The following WNT10B variants were observed in gnomAD, a reference collection of about 807,000 sequenced individuals.
The protein encoded by WNT10B is protein Wnt-10b.
A neutral mutation model predicts 32.7 loss-of-function variants in WNT10B; 26 were observed. The observed-to-expected ratio is 0.79, with a 90% CI of 0.58 to 1.10. WNT10B has a LOEUF of 1.10. WNT10B is among the 50% of genes least tolerant of loss of function. WNT10B has a pLI of 0.00. For missense variants in WNT10B, 474 were observed against 532.5 expected (o/e 0.89, Z 1.08); for synonymous variants, 204 against 220.4 (o/e 0.93, Z 0.66).
Position 48,966,138 on chromosome 12 carries a change from C to T in WNT10B, c.1127G>A (p.Cys376Tyr). 6.2e-7 allele frequency: 1 copy of T among 1,613,782 alleles called. No individual in the cohort carries two copies. Residue 376 changes from cysteine to tyrosine, a missense_variant, in exon 5 of 5, where the codon TGT becomes TAT. Cys to Tyr is a radical substitution (Grantham distance 194). Transcript: ENST00000301061. ...CRFHWCCYVL[C>Y]DECKVTEWVN... ...CCACTCTGTAACCTTGCACTCATCA[C>T]ACAGCACATAGCAGCACCAGTGGAA...
At chr12:48,969,916 G>A (rs947351290) in intron 3 of WNT10B, among the ~76,000 whole-genome samples, 173 bp downstream of exon 3, 2 of 151,896 alleles carry the variant, frequency 1.3e-5, no homozygotes, top group Admixed American at 6.5e-5. Context: ...TAGGCGCGCA[G>A]GGGCCCAGAC....
chr12:48,969,894 G>T (rs1023390851), intron 3 of WNT10B, among the ~76,000 whole-genome samples, 195 bp downstream of exon 3: 1 of 151,890 alleles, frequency 6.6e-6, no homozygotes, highest in Non-Finnish European at 1.5e-5. Context: ...CTGGCAGCAC[G>T]CAGGTGGAAG....
chr12:48,969,942 G>T, intron 3 of WNT10B, 147 bp downstream of exon 3: 1 of 1,049,678 alleles, frequency 9.5e-7, no homozygotes, highest in Non-Finnish European at 1.3e-6. Context: ...GCCAGACCTG[G>T]CTCAGAGCGG....
At chr12:48,966,687 A>C (rs1184067232) in intron 4 of WNT10B, 134 bp from the exon 5 acceptor site, 2 of 1,031,508 alleles carry the variant, frequency 1.9e-6, no homozygotes, top group Non-Finnish European at 2.9e-6. Flanking sequence ...ATATCAGAAC[A>C]GAAAGGACAT....
Position 48,970,295 on chromosome 12 carries a change from G to C in WNT10B, c.131C>G (p.Ala44Gly). ...LKLPGEPPLTANTVCLTLSGL... is the reference protein window; with the variant it reads ...LKLPGEPPLTGNTVCLTLSGL... Reference sequence around the variant, plus strand: ...GGACAGCGTCAAGCACACGGTGTTGGCCGTCAGCGGCGGCTCGCCAGGCAA... The same window carrying C: ...GGACAGCGTCAAGCACACGGTGTTGCCCGTCAGCGGCGGCTCGCCAGGCAA... The change falls in exon 3 of 5, where the codon GCC (alanine) becomes GGC (glycine). Residue 44 changes from alanine to glycine, a missense_variant. Coordinates refer to ENST00000301061, the MANE Select transcript of WNT10B (RefSeq NM_003394.4). The surrounding 1 kb of genome is among the most constrained non-coding windows in gnomAD (Gnocchi z 5.0). 1 of 1,614,024 alleles carries C rather than the reference G, an allele frequency of 6.2e-7. No individual in the cohort carries two copies. The highest frequency in any genetic ancestry group is 1.1e-5 in the South Asian group (1 of 91,080).
rs1049972554 is a variant in WNT10B, at chr12:48,965,918, G to C, written c.*177C>G. 5 of 706,858 alleles carry C rather than the reference G, an allele frequency of 7.1e-6. No individual in the cohort carries two copies. In the African/African-American group the frequency reaches 8.9e-5, roughly 13 times the overall value. 43.8% of individuals were successfully genotyped at this position (706,858 alleles called of 1,614,324 possible). A position where few individuals can be genotyped will look rare whatever the true frequency, so the allele number is the denominator to read the frequency against. On this transcript the variant is annotated 3_prime_UTR_variant, in exon 5 of 5. Transcript: ENST00000301061. ...CCCTCAAGACCCTCCAATTGTTGGGGAGAAGGCTACACATCCCAGAGTCCA... is the reference window on the plus strand; with the variant it reads ...CCCTCAAGACCCTCCAATTGTTGGGCAGAAGGCTACACATCCCAGAGTCCA...
In WNT10B at chr12:48,966,373, G is replaced by C. The variant is rs369698637; in HGVS notation, c.892C>G (p.Arg298Gly). The C allele has an allele frequency of 6.2e-7, 1 of 1,614,182 alleles. No individual in the cohort carries two copies. The highest frequency in any genetic ancestry group is 8.5e-7 in the Non-Finnish European group (1 of 1,180,030). The change falls in exon 5 of 5, where the codon CGT becomes GGT. Residue 298 changes from arginine (R) to glycine (G), a missense_variant. Transcript: ENST00000301061. ...CCTGAGAGGCGACGGGGACGCAGAC[G>C]GGGCTGGAAGGCTCCAGAATTGCGG... ...HNRNSGAFQP[R>G]LRPRRLSGEL...
At chr12:48,966,697 T>G (rs188930539) in intron 4 of WNT10B, 144 bp from the exon 5 acceptor site, 2 of 957,766 alleles carry the variant, frequency 2.1e-6, no homozygotes, top group Admixed American at 4.1e-5. Flanking sequence ...AGAAAGGACA[T>G]TGCAGTTAGC....
At chr12:48,968,975 C>T (rs967787658) in intron 3 of WNT10B, 12 of 429,820 alleles carry the variant, frequency 2.8e-5, no homozygotes, top group Admixed American at 5.5e-5. Flanking sequence ...CCCTATAAAA[C>T]ACTGAGAGGA....
intron 3 of WNT10B, among the ~76,000 whole-genome samples, chr12:48,968,719 A>T (rs1434402806): frequency 6.6e-6 from 1 of 151,738 alleles, no homozygotes; most frequent in Admixed American, 6.6e-5. Flanking sequence ...AGCCTTAGAA[A>T]TTCCCCCAAC....
rs1439802008 is a variant in WNT10B at position 48,970,163 on chromosome 12, C to G, written c.263G>C (p.Arg88Pro). 1.3e-6 allele frequency: 2 copies of G among 1,550,708 alleles called. No individual in the cohort carries two copies. Among genetic ancestry groups the G allele is most frequent in the South Asian group, 1.2e-5 (1 of 84,946 alleles). ...CGCGGAGCAGTTCCAGCGCTGGTCGCGCAGCTGGTGCTGACACTCGTGGAC... is the reference window on the plus strand; with the variant it reads ...CGCGGAGCAGTTCCAGCGCTGGTCGGGCAGCTGGTGCTGACACTCGTGGAC... ...IAVHECQHQL[R>P]DQRWNCSALE... The change falls in exon 3 of 5, where the codon CGC becomes CCC. Residue 88 changes from arginine to proline, a missense_variant. By Grantham distance (103) the Arg-to-Pro change is moderately radical. Transcript: ENST00000301061. The surrounding 1 kb of genome is among the most constrained non-coding windows in gnomAD (Gnocchi z 5.0).
rs766797028 is a variant in WNT10B at position 48,970,759 on chromosome 12, A to G, written c.-40-190T>C. On this transcript the variant is annotated intron_variant, in intron 1 of 4. Transcript: ENST00000301061. This position sits in a 1 kb window ranked among gnomAD's most constrained non-coding sequence, Gnocchi z 5.0. ...CTGAGGCTTGGAGGTCTTAAAGAAG[A>G]AGAGTCAAGGCGTTGTCCCAGCTCA... The G allele has an allele frequency of 8.8e-5, 53 of 603,602 alleles. No homozygotes were observed. The highest frequency in any genetic ancestry group is 1.5e-4 in the Non-Finnish European group (51 of 341,342). The allele number at this position is 603,602 out of a possible 1,614,324, so 37.4% of individuals were successfully genotyped here.
chr12:48,969,983 G>T, intron 3 of WNT10B, 106 bp downstream of exon 3: 1 of 1,298,756 alleles, frequency 7.7e-7, no homozygotes. Flanking sequence ...TCCAGGAGAG[G>T]CCCCTCCCGG....
In WNT10B at chr12:48,970,120, G is replaced by A; in HGVS notation, c.306C>T (p.Arg102=). 1.3e-6 allele frequency: 2 copies of A among 1,528,878 alleles called. No individual in the cohort carries two copies. Among genetic ancestry groups the A allele is most frequent in the Non-Finnish European group, 1.8e-6 (2 of 1,141,412 alleles). 94.7% of individuals were successfully genotyped at this position (1,528,878 alleles called of 1,614,324 possible). Residue 102 remains arginine, a synonymous_variant, in exon 3 of 5, where the codon CGC becomes CGT. Coordinates refer to ENST00000301061, the MANE Select transcript of WNT10B (RefSeq NM_003394.4). This position sits in a 1 kb window ranked among gnomAD's most constrained non-coding sequence, Gnocchi z 5.0. The part of the protein sequence containing the change: ...WNCSALEGGG[R]LPHHSAILKR... ...TGAGGATGGCGCTGTGGTGCGGCAG[G>A]CGGCCGCCGCCCTCAAGCGCGGAGC...
At position 48,970,614 on chromosome 12, in the gene WNT10B, C is replaced by T. The variant is rs552545042; in HGVS notation, c.-40-45G>A. ...ATGCGGGTTCAGGAATAGGGCGGCT[C>T]GCTTGGGGAACCAAGTGACGCCCTT... On this transcript the variant is annotated intron_variant, in intron 1 of 4. Transcript: ENST00000301061. This position sits in a 1 kb window ranked among gnomAD's most constrained non-coding sequence, Gnocchi z 5.0. The T allele has an allele frequency of 1.6e-5, 24 of 1,477,396 alleles. No individual in the cohort carries two copies. The Middle Eastern group carries it at 6.3e-4, about 39-fold the overall frequency. 91.5% of individuals were successfully genotyped at this position (1,477,396 alleles called of 1,614,324 possible).
chr12:48,968,087 G>C lies in WNT10B; in HGVS notation c.570C>G (p.Pro190=), dbSNP rs981560232. ...AGCCACCCCATTCCCATGTGTCCTG[G>C]GGGCCAGGGCTGGGGCTTGAGCCAG... ...PGPGSSPSPG[P]QDTWEWGGCN... is the part of the protein sequence containing the mutation. Residue 190 remains proline, a synonymous_variant, in exon 4 of 5, where the codon CCC becomes CCG. Coordinates refer to ENST00000301061, the MANE Select transcript of WNT10B (RefSeq NM_003394.4). 2 of 1,614,226 alleles carry C rather than the reference G, an allele frequency of 1.2e-6. No individual in the cohort carries two copies. The highest frequency in any genetic ancestry group is 1.7e-5 in the Admixed American group (1 of 60,034).
rs1457148423 is a variant in WNT10B, at chr12:48,966,319, C to T, written c.946G>A (p.Asp316Asn). The T allele has an allele frequency of 6.2e-7, 1 of 1,614,114 alleles. No homozygotes were observed. The highest frequency in any genetic ancestry group is 8.5e-7 in the Non-Finnish European group (1 of 1,180,050). ...GELVYFEKSP[D>N]FCERDPTMGS... ...ATAGTGGGGTCTCGCTCACAGAAGT[C>T]AGGAGACTTCTCAAAGTAGACCAGC... The change falls in exon 5 of 5, where the codon GAC becomes AAC. Residue 316 changes from aspartate (D) to asparagine (N), a missense_variant. Coordinates refer to ENST00000301061, the MANE Select transcript of WNT10B (RefSeq NM_003394.4).
In WNT10B at chr12:48,970,060, G is replaced by T; in HGVS notation, c.337+29C>A. The T allele has an allele frequency of 2.7e-6, 4 of 1,477,854 alleles. No homozygotes were observed. The highest frequency in any genetic ancestry group is 3.6e-6 in the Non-Finnish European group (4 of 1,117,420). The allele number at this position is 1,477,854 out of a possible 1,614,324, so 91.5% of individuals were successfully genotyped here. A position where few individuals can be genotyped will look rare whatever the true frequency, so the allele number is the denominator to read the frequency against. ...TGCCGCCCACCCCCTAGCCTCCGCG[G>T]CAGCGCCGACCCGCCCAGCCAGGCT... On this transcript the variant is annotated intron_variant, in intron 3 of 4. Transcript: ENST00000301061. This position sits in a 1 kb window ranked among gnomAD's most constrained non-coding sequence, Gnocchi z 5.0.
At position 48,966,279 on chromosome 12, in the gene WNT10B, G is replaced by T. The variant is rs1484247119; in HGVS notation, c.986C>A (p.Thr329Lys). The T allele has an allele frequency of 3.7e-6, 6 of 1,614,082 alleles. No homozygotes were observed. The Admixed American group carries it at 1.0e-4, about 27-fold the overall frequency. ...GGTCTTGTTGCAGGCCCGGCCCCTTGTCCCTGGGGAGCCCATAGTGGGGTC... is the reference window on the plus strand; with the variant it reads ...GGTCTTGTTGCAGGCCCGGCCCCTTTTCCCTGGGGAGCCCATAGTGGGGTC... The part of the protein sequence containing the change: ...ERDPTMGSPG[T>K]RGRACNKTSR... The change falls in exon 5 of 5, where the codon ACA (threonine) becomes AAA (lysine). Residue 329 changes from threonine to lysine, a missense_variant. Thr to Lys is a moderately conservative substitution (Grantham distance 78). Coordinates refer to ENST00000301061, the MANE Select transcript of WNT10B (RefSeq NM_003394.4).
Sources: allele counts gnomAD v4.1 joint callset (sites outside exome capture counted in the v4.1 genomes callset), GRCh38; gene constraint gnomAD v4.1.1; non-coding constraint Gnocchi (gnomAD v3.1); transcripts MANE v1.5; gene names NCBI Gene and HGNC (gene_info 2026-07-23, HGNC 2026-07-21).